Variants in GRIK2 observed in about 807,000 individuals in gnomAD.
GRIK2 encodes the protein glutamate ionotropic receptor kainate type subunit 2.
A neutral mutation model predicts 100.3 loss-of-function variants in GRIK2; 32 were observed. The ratio of observed to expected loss-of-function variants is 0.32; its 90% CI spans 0.24 to 0.43. The LOEUF (loss-of-function observed/expected upper bound fraction) is 0.43. GRIK2 is among the 20% of genes least tolerant of loss of function. The pLI is 1.00. For missense variants in GRIK2, 843 were observed against 1,114.9 expected (o/e 0.76, Z 3.47); for synonymous variants, 417 against 389.4 (o/e 1.07, Z -0.83).
intron 2 of GRIK2, among the ~76,000 whole-genome samples, chr6:101,501,124 A>G (rs934657530): frequency 6.6e-6 from 1 of 152,140 alleles, no homozygotes; most frequent in East Asian, 1.9e-4. Context: ...GCATATAAGA[A>G]CCATCTACAA....
chr6:101,558,379 C>T (rs1467283008), intron 2 of GRIK2, among the ~76,000 whole-genome samples: 1 of 152,160 alleles, frequency 6.6e-6, no homozygotes, highest in Non-Finnish European at 1.5e-5. Context: ...TCTAACACAA[C>T]TGTGTGACAA....
chr6:101,484,326 A>G (rs1291967960), intron 2 of GRIK2, among the ~76,000 whole-genome samples: 2 of 152,214 alleles, frequency 1.3e-5, no homozygotes, highest in East Asian at 3.8e-4. Flanking sequence ...TAGTTTTTCA[A>G]TGAAAGCTGA....
At chr6:102,042,956 T>A (rs1346595366) in intron 15 of GRIK2, among the ~76,000 whole-genome samples, 1 of 151,710 alleles carries the variant, frequency 6.6e-6, no homozygotes, top group Non-Finnish European at 1.5e-5. Flanking sequence ...GATAACATTT[T>A]CTTTTTCACA....
At chr6:101,482,477 T>C (rs1293263081) in intron 2 of GRIK2, among the ~76,000 whole-genome samples, 1 of 152,100 alleles carries the variant, frequency 6.6e-6, no homozygotes, top group Non-Finnish European at 1.5e-5. Context: ...TAATACGTTC[T>C]TGTGGGTGAG....
At chr6:101,506,689 T>A (rs1453277484) in intron 2 of GRIK2, among the ~76,000 whole-genome samples, 1 of 152,174 alleles carries the variant, frequency 6.6e-6, no homozygotes, top group African/African-American at 2.4e-5. Context: ...CAGATGTTAA[T>A]ACTGTTAGCT....
At chr6:101,626,240 G>A (rs2128318553) in intron 3 of GRIK2, 140 bp from the exon 4 acceptor site, 1 of 758,862 alleles carries the variant, frequency 1.3e-6, no homozygotes, top group Non-Finnish European at 2.1e-6. Context: ...TTTTAAATTA[G>A]TGAAAAGTAG....
At chr6:101,834,967 C>T (rs377318138) in intron 10 of GRIK2, among the ~76,000 whole-genome samples, 1 of 152,126 alleles carries the variant, frequency 6.6e-6, no homozygotes, top group African/African-American at 2.4e-5. Flanking sequence ...CTTATCACTG[C>T]ACTCCAGCCT....
intron 7 of GRIK2, among the ~76,000 whole-genome samples, chr6:101,733,623 G>A (rs1477919062): frequency 6.6e-6 from 1 of 150,388 alleles, no homozygotes; most frequent in African/African-American, 2.5e-5. Context: ...CTCTCTCTCT[G>A]GTAATATGAA....
At chr6:101,461,723 C>T (rs1322346370) in intron 2 of GRIK2, among the ~76,000 whole-genome samples, 1 of 152,114 alleles carries the variant, frequency 6.6e-6, no homozygotes, top group Non-Finnish European at 1.5e-5. Context: ...CATTTTTCTG[C>T]CTACCCCAGG....
intron 7 of GRIK2, among the ~76,000 whole-genome samples, chr6:101,780,388 C>T (rs1461822719): frequency 6.6e-6 from 1 of 152,076 alleles, no homozygotes; most frequent in East Asian, 1.9e-4. Context: ...CTTATTTCTG[C>T]CAATCTTTCA....
At position 101,771,431 on chromosome 6, in the gene GRIK2, G is replaced by A. The variant is rs551459671; in HGVS notation, c.952-28217G>A. ...TGAACACAGATGTAAGAAATAAAGC[G>A]GTTATGGAAGCCCAGTTCTGGACTC... On this transcript the variant is annotated intron_variant, in intron 7 of 16. Coordinates refer to ENST00000369134, the MANE Select transcript of GRIK2 (RefSeq NM_021956.5). Among the ~76,000 whole-genome samples, 9 of 151,798 alleles carry A rather than the reference G, an allele frequency of 5.9e-5. No individual in the cohort carries two copies. In the South Asian group the frequency reaches 6.2e-4, roughly 11 times the overall value.
intron 10 of GRIK2, among the ~76,000 whole-genome samples, chr6:101,850,172 G>A (rs573203506): frequency 6.6e-6 from 1 of 152,010 alleles, no homozygotes; most frequent in Non-Finnish European, 1.5e-5. Context: ...CAAAGTAGAC[G>A]TGTAAATAAA....
intron 14 of GRIK2, among the ~76,000 whole-genome samples, chr6:101,958,253 T>TTGTGTGTGTGTGTGTGTG (rs1554292720): frequency 0.25 from 34,595 of 138,422 alleles, 4,943 homozygotes; most frequent in Middle Eastern, 0.34. Flanking sequence ...TGCTACATAT[T>TTGTGTGTGTGTGTGTGTG]TGTGTGTGTG....
At chr6:101,771,269 G>T (rs1022214254) in intron 7 of GRIK2, among the ~76,000 whole-genome samples, 10 of 151,566 alleles carry the variant, frequency 6.6e-5, no homozygotes, top group African/African-American at 1.9e-4. Context: ...CAGTGCAACG[G>T]GTTGTATAAC....
intron 10 of GRIK2, among the ~76,000 whole-genome samples, chr6:101,836,314 G>T (rs1448641252): frequency 6.6e-6 from 1 of 151,998 alleles, no homozygotes; most frequent in Non-Finnish European, 1.5e-5. Context: ...CTTGATTTGT[G>T]CCGTCCAATA....
chr6:101,831,090 T>G (rs973493339), intron 10 of GRIK2, among the ~76,000 whole-genome samples: 4 of 152,054 alleles, frequency 2.6e-5, no homozygotes, highest in Non-Finnish European at 5.9e-5. Flanking sequence ...GTAACAAACC[T>G]GCACATGTAA....
intron 6 of GRIK2, among the ~76,000 whole-genome samples, chr6:101,684,933 C>G (rs563133947): frequency 6.6e-6 from 1 of 151,924 alleles, no homozygotes; most frequent in Non-Finnish European, 1.5e-5. Context: ...TCAGAGAATT[C>G]TTTTATGGTC....
intron 2 of GRIK2, among the ~76,000 whole-genome samples, chr6:101,592,586 C>CAT (rs1491243587): frequency 7.5e-4 from 40 of 53,380 alleles, no homozygotes; most frequent in African/African-American, 3.1e-3. Flanking sequence ...TTACTAATAT[C>CAT]ACATATATAT....
rs1339800931 is a variant in GRIK2 at position 101,868,278 on chromosome 6, G to A, written c.1524+8785G>A. On this transcript the variant is annotated intron_variant, in intron 11 of 16. Coordinates refer to ENST00000369134, the MANE Select transcript of GRIK2 (RefSeq NM_021956.5). Reference sequence around the variant, plus strand: ...TGGAGTAGAAGAGGCGTGAAATTGGGAATTTCATCGCTCAAACAAAATGTA... The same window carrying A: ...TGGAGTAGAAGAGGCGTGAAATTGGAAATTTCATCGCTCAAACAAAATGTA... Among the ~76,000 whole-genome samples the A allele has an allele frequency of 3.3e-5, 5 of 151,364 alleles. No homozygotes were observed. The South Asian group carries it at 8.3e-4, about 25-fold the overall frequency.
Sources: allele counts gnomAD v4.1 joint callset (sites outside exome capture counted in the v4.1 genomes callset), GRCh38; gene constraint gnomAD v4.1.1; transcripts MANE v1.5; gene names NCBI Gene and HGNC (gene_info 2026-07-23, HGNC 2026-07-21).